Variants in KIAA0319L observed in about 807,000 individuals in gnomAD.
KIAA0319L encodes the protein dyslexia-associated protein KIAA0319-like protein.
A neutral mutation model predicts 120.1 loss-of-function variants in KIAA0319L; 55 were observed. The ratio of observed to expected loss-of-function variants is 0.46; its 90% CI spans 0.37 to 0.57. The LOEUF (loss-of-function observed/expected upper bound fraction) is 0.57. KIAA0319L is among the 20% of genes least tolerant of loss of function. The probability of loss-of-function intolerance (pLI) is 0.00; values close to 1 mark genes in which losing one functional copy is unlikely to be tolerated. For missense variants in KIAA0319L, 1,049 were observed against 1,255.3 expected (o/e 0.84, Z 2.48); for synonymous variants, 398 against 471.9 (o/e 0.84, Z 2.03).
intron 2 of KIAA0319L, among the ~76,000 whole-genome samples, chr1:35,513,868 C>T (rs1378666205): frequency 6.6e-6 from 1 of 152,086 alleles, no homozygotes; most frequent in African/African-American, 2.4e-5. Context: ...AATTTATATA[C>T]TCAAACACAC....
intron 3 of KIAA0319L, among the ~76,000 whole-genome samples, chr1:35,494,827 G>A (rs1644738488): frequency 6.6e-6 from 1 of 152,130 alleles, no homozygotes; most frequent in Admixed American, 6.5e-5. Flanking sequence ...GAAAGCTACA[G>A]TTATCAAGAC....
At chr1:35,531,516 G>C (rs774194932) in intron 2 of KIAA0319L, among the ~76,000 whole-genome samples, 19 of 152,206 alleles carry the variant, frequency 1.2e-4, no homozygotes, top group Non-Finnish European at 1.8e-4. Flanking sequence ...GGGGATGCGT[G>C]GGACTCAGTG....
chr1:35,519,847 T>C (rs1324598257), intron 2 of KIAA0319L, among the ~76,000 whole-genome samples: 3 of 152,206 alleles, frequency 2.0e-5, no homozygotes, highest in South Asian at 4.1e-4. Flanking sequence ...TCCAATTCTA[T>C]AGTCCATTGC....
chr1:35,492,609 A>G (rs1003595617), intron 3 of KIAA0319L, among the ~76,000 whole-genome samples: 1 of 152,114 alleles, frequency 6.6e-6, no homozygotes. Context: ...TTTGAAATCA[A>G]TCATATTATT....
At chr1:35,539,968 TAA>T (rs1223084570) in intron 2 of KIAA0319L, among the ~76,000 whole-genome samples, 2 of 152,218 alleles carry the variant, frequency 1.3e-5, no homozygotes, top group African/African-American at 4.8e-5. Context: ...CCTTATTACC[TAA>T]AAGTGAAAGA....
chr1:35,555,065 T>C (rs1468619386), intron 1 of KIAA0319L: 1 of 152,208 alleles, frequency 6.6e-6, no homozygotes, highest in Non-Finnish European at 1.5e-5. Flanking sequence ...CTATTCAATT[T>C]ACACCTCAAT....
intron 2 of KIAA0319L, among the ~76,000 whole-genome samples, chr1:35,531,590 G>C (rs902417683): frequency 6.6e-6 from 1 of 152,188 alleles, no homozygotes; most frequent in East Asian, 1.9e-4. Context: ...GCCAGTATCA[G>C]GGCCCACAAG....
intron 2 of KIAA0319L, chr1:35,511,216 C>G (rs1187423991): frequency 1.3e-5 from 2 of 154,402 alleles, no homozygotes; most frequent in East Asian, 3.8e-4. Flanking sequence ...TGTAGGAAAG[C>G]CTTTACAAAG....
At chr1:35,531,650 G>A (rs767279392) in intron 2 of KIAA0319L, among the ~76,000 whole-genome samples, 1 of 152,140 alleles carries the variant, frequency 6.6e-6, no homozygotes, top group Non-Finnish European at 1.5e-5. Flanking sequence ...GTGAGAACGT[G>A]GACTGTTGGG....
intron 11 of KIAA0319L, chr1:35,454,102 G>A: frequency 2.2e-6 from 1 of 464,102 alleles, no homozygotes; most frequent in Non-Finnish European, 3.8e-6. Context: ...GATTTGGGAT[G>A]GCATAAACTC....
chr1:35,460,034 A>G (rs977686709), intron 9 of KIAA0319L, among the ~76,000 whole-genome samples: 1 of 152,178 alleles, frequency 6.6e-6, no homozygotes, highest in East Asian at 1.9e-4. Context: ...AAATCCTAAA[A>G]AAAATTTTTG....
rs776394136 is a variant in KIAA0319L, at chr1:35,470,943, C to A, written c.1033G>T (p.Asp345Tyr). 1 of 1,610,762 alleles carries A rather than the reference C, an allele frequency of 6.2e-7. No individual in the cohort carries two copies. The highest frequency in any genetic ancestry group is 1.7e-5 in the Admixed American group (1 of 60,024). The change falls in exon 6 of 21, where the codon GAC becomes TAC. Residue 345 changes from aspartate (D) to tyrosine (Y), a missense_variant. Physicochemically the swap from Asp to Tyr is radical, Grantham distance 160 (BLOSUM62 -3). Transcript: ENST00000325722. ...EPPKGETYTY[D>Y]WQLITHPRDY... ...CTAGGATGAGTAATCAGCTGCCAGT[C>A]GTAGGTGTAGGTTTCTCCTATAGAA...
In KIAA0319L at chr1:35,448,309, C is replaced by G; in HGVS notation, c.2377G>C (p.Glu793Gln). The change falls in exon 16 of 21, where the codon GAG becomes CAG. Residue 793 changes from glutamate to glutamine, a missense_variant. By Grantham distance (29) the Glu-to-Gln change is conservative. Coordinates refer to ENST00000325722, the MANE Select transcript of KIAA0319L (RefSeq NM_024874.5). Reference sequence around the variant, plus strand: ...CTGACGTTGATATCCAAGATGATCTCCACCAGGTTGTTTTTCCTGGGATCT... The same window carrying G: ...CTGACGTTGATATCCAAGATGATCTGCACCAGGTTGTTTTTCCTGGGATCT... ...KPDPRKNNLVEIILDINVSQL... is the reference protein window; with the variant it reads ...KPDPRKNNLVQIILDINVSQL... 1 of 1,614,026 alleles carries G rather than the reference C, an allele frequency of 6.2e-7. No homozygotes were observed. The highest frequency in any genetic ancestry group is 8.5e-7 in the Non-Finnish European group (1 of 1,179,954).
chr1:35,536,937 C>T (rs1646596523), intron 2 of KIAA0319L, among the ~76,000 whole-genome samples: 1 of 152,036 alleles, frequency 6.6e-6, no homozygotes, highest in African/African-American at 2.4e-5. Context: ...CTCAGAATCT[C>T]CTGCTTCGCT....
intron 3 of KIAA0319L, among the ~76,000 whole-genome samples, chr1:35,497,342 C>T (rs1474225514): frequency 6.6e-6 from 1 of 151,880 alleles, no homozygotes; most frequent in Admixed American, 6.6e-5. Flanking sequence ...GGAATGTTTC[C>T]TTATATAAAT....
chr1:35,554,328 A>G, intron 2 of KIAA0319L, 22 bp downstream of exon 2: 2 of 1,517,458 alleles, frequency 1.3e-6, no homozygotes, highest in Middle Eastern at 1.9e-4. Context: ...AAAAAATCTT[A>G]AATCTATAAA....
In KIAA0319L at chr1:35,474,795, G is replaced by A. The variant is rs1042978603; in HGVS notation, c.1015+10C>T. Reference sequence around the variant, plus strand: ...AAAAAACGGTTATCCAAATGTAAGGGGATGTTTACCTTTAGGTGGTTCTTG... The same window carrying A: ...AAAAAACGGTTATCCAAATGTAAGGAGATGTTTACCTTTAGGTGGTTCTTG... On this transcript the variant is annotated intron_variant, in intron 5 of 20. Coordinates refer to ENST00000325722, the MANE Select transcript of KIAA0319L (RefSeq NM_024874.5). 4.7e-6 allele frequency: 7 copies of A among 1,489,510 alleles called. No individual in the cohort carries two copies. The Admixed American group carries it at 5.1e-5, about 11-fold the overall frequency. The allele number at this position is 1,489,510 out of a possible 1,614,324, so 92.3% of individuals were successfully genotyped here. A position where few individuals can be genotyped will look rare whatever the true frequency, so the allele number is the denominator to read the frequency against.
chr1:35,549,230 T>A (rs1647105546), intron 2 of KIAA0319L, among the ~76,000 whole-genome samples: 1 of 152,028 alleles, frequency 6.6e-6, no homozygotes, highest in Non-Finnish European at 1.5e-5. Flanking sequence ...TTTATTTTTG[T>A]AGAGATGAGG....
At chr1:35,446,550 C>T (rs12064533) in intron 16 of KIAA0319L, among the ~76,000 whole-genome samples, 10,278 of 152,216 alleles carry the variant, frequency 0.068, 965 homozygotes, top group East Asian at 0.44. Flanking sequence ...CACTGATCTA[C>T]TAATCACAAA....
Sources: gnomAD v4.1 joint callset for allele counts (sites outside exome capture counted in the v4.1 genomes callset) on GRCh38, gnomAD v4.1.1 for gene constraint, MANE v1.5 for transcripts, NCBI Gene and HGNC (gene_info 2026-07-23, HGNC 2026-07-21) for gene names.